Variants in SCYL1 observed in about 807,000 individuals in gnomAD.
SCYL1 encodes the protein SCY1 like pseudokinase 1, also known as N-terminal kinase-like protein.
SCYL1 carries 85 observed loss-of-function variants against 94.8 expected under a neutral mutation model. The observed-to-expected ratio is 0.90, with a 90% CI of 0.75 to 1.07. The LOEUF is 1.07. SCYL1 is among the 50% of genes least tolerant of loss of function. The pLI is 0.00. For missense variants in SCYL1, 968 were observed against 1,083.3 expected (o/e 0.89, Z 1.49); for synonymous variants, 459 against 435.5 (o/e 1.05, Z -0.67).
intron 1 of SCYL1, 66 bp downstream of exon 1, chr11:65,525,330 C>G: frequency 8.1e-7 from 1 of 1,241,742 alleles, no homozygotes; most frequent in Non-Finnish European, 1.1e-6. Context: ...GCCGCCGACC[C>G]CGTCGCGTTG....
At position 65,525,173 on chromosome 11, in the gene SCYL1, A is replaced by G; in HGVS notation, c.20A>G (p.Asp7Gly). ...GGGACGATGTGGTTCTTTGCCCGGG[A>G]CCCGGTCCGGGACTTTCCGTTCGAG... MWFFAR[D>G]PVRDFPFELI... The change falls in exon 1 of 18, where the codon GAC becomes GGC. Residue 7 changes from aspartate to glycine, a missense_variant. This residue lies in a region of SCYL1 where 494 missense variants were observed against 619.7 expected (regional missense o/e 0.80). Transcript: ENST00000270176. The G allele has an allele frequency of 7.2e-7, 1 of 1,392,992 alleles. No homozygotes were observed. The highest frequency in any genetic ancestry group is 9.4e-7 in the Non-Finnish European group (1 of 1,064,454). The allele number at this position is 1,392,992 out of a possible 1,614,324, so 86.3% of individuals were successfully genotyped here. A position where few individuals can be genotyped will look rare whatever the true frequency, so the allele number is the denominator to read the frequency against.
Position 65,525,146 on chromosome 11 carries a change from TG to T in SCYL1, c.-4del. 7.6e-7 allele frequency: 1 copy of T among 1,316,412 alleles called. No homozygotes were observed. The highest frequency in any genetic ancestry group is 2.4e-4 in the Middle Eastern group (1 of 4,176). The allele number at this position is 1,316,412 out of a possible 1,614,324, so 81.5% of individuals were successfully genotyped here. ...AAGGCGCCCGAACCCGCGGCGGCGG[TG>T]GGGACGATGTGGTTCTTTGCCCGGG... On this transcript the variant is annotated 5_prime_UTR_variant, in exon 1 of 18. Coordinates refer to ENST00000270176, the MANE Select transcript of SCYL1 (RefSeq NM_020680.4).
intron 6 of SCYL1, among the ~76,000 whole-genome samples, chr11:65,527,655 C>A (rs1003917539): frequency 4.0e-5 from 6 of 150,880 alleles, no homozygotes; most frequent in Admixed American, 1.3e-4. Context: ...TCACTTGAAC[C>A]CAGGAGACGG....
Position 65,538,590 on chromosome 11 carries a change from C to A in SCYL1, c.*24C>A. On this transcript the variant is annotated 3_prime_UTR_variant, in exon 18 of 18. Coordinates refer to ENST00000270176, the MANE Select transcript of SCYL1 (RefSeq NM_020680.4). ...GAACCGTGGCGGTGGCCCTTCCCGG[C>A]TGCGGAGAGCCCGCCCCACAGATGT... is the stretch of plus-strand genomic sequence containing the variant. 1 of 1,602,990 alleles carries A rather than the reference C, an allele frequency of 6.2e-7. No individual in the cohort carries two copies.
chr11:65,533,638 C>G (rs937775300), intron 9 of SCYL1, among the ~76,000 whole-genome samples: 1 of 144,182 alleles, frequency 6.9e-6, no homozygotes, highest in African/African-American at 2.6e-5. Flanking sequence ...AAGTTAGGCG[C>G]GTATGGTGAT....
chr11:65,536,645 G>A lies in SCYL1; in HGVS notation c.1711G>A (p.Gly571Ser). ...GGGAGGAGCCGCAGCTAGCTGGGCA[G>A]GCTGGGCCGTGACCGGGGTCTCCTC... ...GMGGAAASWA[G>S]WAVTGVSSLT... The change falls in exon 13 of 18, where the codon GGC becomes AGC. Residue 571 changes from glycine (G) to serine (S), a missense_variant. Coordinates refer to ENST00000270176, the MANE Select transcript of SCYL1 (RefSeq NM_020680.4). 1 of 1,614,122 alleles carries A rather than the reference G, an allele frequency of 6.2e-7. No individual in the cohort carries two copies. Among genetic ancestry groups the A allele is most frequent in the South Asian group, 1.1e-5 (1 of 91,086 alleles).
Position 65,531,635 on chromosome 11 carries a change from G to C in SCYL1, c.1068G>C (p.Lys356Asn). 1 of 1,614,112 alleles carries C rather than the reference G, an allele frequency of 6.2e-7. No individual in the cohort carries two copies. Among genetic ancestry groups the C allele is most frequent in the Non-Finnish European group, 8.5e-7 (1 of 1,180,000 alleles). ...AGAAGATCATCCCTGTGGTGGTCAAGATGTTCTCATCCACTGACCGGGCCA... is the reference window on the plus strand; with the variant it reads ...AGAAGATCATCCCTGTGGTGGTCAACATGTTCTCATCCACTGACCGGGCCA... ...YQQKIIPVVV[K>N]MFSSTDRAMR... The change falls in exon 8 of 18, where the codon AAG becomes AAC. Residue 356 changes from lysine (K) to asparagine (N), a missense_variant. By Grantham distance (94) the Lys-to-Asn change is moderately conservative (BLOSUM62 0). Around this residue, in one of 2 missense-constraint regions of SCYL1, gnomAD observed 494 missense variants for 619.7 expected, o/e 0.80. Coordinates refer to ENST00000270176, the MANE Select transcript of SCYL1 (RefSeq NM_020680.4).
intron 1 of SCYL1, 42 bp downstream of exon 1, chr11:65,525,306 C>A: frequency 1.5e-6 from 2 of 1,335,608 alleles, no homozygotes; most frequent in Non-Finnish European, 9.9e-7. Flanking sequence ...CGACCTGGGC[C>A]TTGCCTATTC....
At position 65,537,876 on chromosome 11, in the gene SCYL1, G is replaced by A; in HGVS notation, c.2027G>A (p.Ser676Asn). 1.9e-6 allele frequency: 3 copies of A among 1,578,364 alleles called. No individual in the cohort carries two copies. The highest frequency in any genetic ancestry group is 2.6e-6 in the Non-Finnish European group (3 of 1,161,892). ...WSTGGQVSRA[S>N]QVSNSDHKSS... The stretch of plus-strand genomic sequence containing the variant: ...ACCGGGGGCCAAGTGAGCCGTGCTA[G>A]TCAGGTGAGCTGGGTCTGGTGGGGA... Residue 676 changes from serine (S) to asparagine (N), a missense_variant, in exon 15 of 18, where the codon AGT becomes AAT. By Grantham distance (46) the Ser-to-Asn change is conservative. Coordinates refer to ENST00000270176, the MANE Select transcript of SCYL1 (RefSeq NM_020680.4).
chr11:65,538,515 G>T lies in SCYL1; in HGVS notation c.2376G>T (p.Glu792Asp). ...GGGAGATGGAGGCCAAACGCGCCGA[G>T]AGGAAGGTGGCCAAGGGCCCCATGA... ...RRREMEAKRAERKVAKGPMKL... is the reference protein window; with the variant it reads ...RRREMEAKRADRKVAKGPMKL... Residue 792 changes from glutamate (E) to aspartate (D), a missense_variant, in exon 18 of 18, where the codon GAG becomes GAT. Glu to Asp is a conservative substitution (Grantham distance 45). Transcript: ENST00000270176. 1 of 1,609,726 alleles carries T rather than the reference G, an allele frequency of 6.2e-7. No homozygotes were observed. Among genetic ancestry groups the T allele is most frequent in the South Asian group, 1.1e-5 (1 of 90,618 alleles).
At chr11:65,537,774 G>C (rs1392843550) in intron 14 of SCYL1, 35 bp from the exon 15 acceptor site, 1 of 1,505,838 alleles carries the variant, frequency 6.6e-7, no homozygotes, top group South Asian at 1.3e-5. Flanking sequence ...CCTTTAGCAT[G>C]GGGTGGGAGT....
rs756844612 is a variant in SCYL1, at chr11:65,537,980, A to G, written c.2045A>G (p.Asp682Gly). 1 of 1,611,498 alleles carries G rather than the reference A, an allele frequency of 6.2e-7. No individual in the cohort carries two copies. Among genetic ancestry groups the G allele is most frequent in the Non-Finnish European group, 8.5e-7 (1 of 1,178,538 alleles). Reference protein sequence around the residue: ...VSRASQVSNSDHKSSKSPESD... With the variant: ...VSRASQVSNSGHKSSKSPESD... ...GCTCTTCTACAGGTCAGCAACTCCG[A>G]CCACAAATCCTCCAAATCCCCAGAG... The change falls in exon 16 of 18, where the codon GAC becomes GGC. Residue 682 changes from aspartate (D) to glycine (G), a missense_variant. Physicochemically the swap from Asp to Gly is moderately conservative, Grantham distance 94 (BLOSUM62 -1). This residue lies in a region of SCYL1 where 474 missense variants were observed against 463.6 expected (regional missense o/e 1.02). Coordinates refer to ENST00000270176, the MANE Select transcript of SCYL1 (RefSeq NM_020680.4).
At position 65,538,428 on chromosome 11, in the gene SCYL1, C is replaced by T; in HGVS notation, c.2303-14C>T. ...CTGGAGAGCTGAGACCGGGGCTCCCCTTCCTGACGCCAGGACAGGTCAAGG... is the reference window on the plus strand; with the variant it reads ...CTGGAGAGCTGAGACCGGGGCTCCCTTTCCTGACGCCAGGACAGGTCAAGG... On this transcript the variant is annotated splice_polypyrimidine_tract_variant and intron_variant, in intron 17 of 17. Transcript: ENST00000270176. 6.5e-7 allele frequency: 1 copy of T among 1,546,158 alleles called. No homozygotes were observed. Among genetic ancestry groups the T allele is most frequent in the Non-Finnish European group, 8.7e-7 (1 of 1,144,800 alleles).
In SCYL1 at chr11:65,532,743, T is replaced by C; in HGVS notation, c.1168T>C (p.Phe390Leu). The stretch of plus-strand genomic sequence containing the variant: ...CGAGCCAACAGTCAACACCCAGATC[T>C]TCCCCCACGTCGTACATGGCTTCCT... ...LDEPTVNTQI[F>L]PHVVHGFLDT... Residue 390 changes from phenylalanine to leucine, a missense_variant, in exon 9 of 18, where the codon TTC becomes CTC. Physicochemically the swap from Phe to Leu is conservative, Grantham distance 22 (BLOSUM62 0). Transcript: ENST00000270176. 6.2e-7 allele frequency: 1 copy of C among 1,614,068 alleles called. No individual in the cohort carries two copies. The highest frequency in any genetic ancestry group is 8.5e-7 in the Non-Finnish European group (1 of 1,179,930).
intron 6 of SCYL1, among the ~76,000 whole-genome samples, chr11:65,529,203 G>A (rs1006291150): frequency 3.3e-5 from 5 of 152,172 alleles, no homozygotes; most frequent in Admixed American, 1.3e-4. Flanking sequence ...GCTGTGGGGC[G>A]GGGAGGGCCT....
chr11:65,526,351 G>T lies in SCYL1; in HGVS notation c.602+1G>T. ...GTGGCAGAGTGGTCAGAGAGAAGTG[G>T]TGGGTGACTGGGGGCAGCGCGCCCC... On this transcript the variant is annotated splice_donor_variant, in intron 4 of 17. Coordinates refer to ENST00000270176, the MANE Select transcript of SCYL1 (RefSeq NM_020680.4). LOFTEE classifies it high-confidence loss of function. This position sits in a 1 kb window ranked among gnomAD's most constrained non-coding sequence, Gnocchi z 4.1. The T allele has an allele frequency of 6.3e-7, 1 of 1,592,418 alleles. No homozygotes were observed. The highest frequency in any genetic ancestry group is 8.6e-7 in the Non-Finnish European group (1 of 1,166,108).
Position 65,535,213 on chromosome 11 carries a change from T to C in SCYL1, c.1231-14T>C, listed in dbSNP as rs1855573488. 6.2e-7 allele frequency: 1 copy of C among 1,612,510 alleles called. No homozygotes were observed. Among genetic ancestry groups the C allele is most frequent in the Admixed American group, 1.7e-5 (1 of 59,972 alleles). On this transcript the variant is annotated splice_polypyrimidine_tract_variant and intron_variant, in intron 9 of 17. Coordinates refer to ENST00000270176, the MANE Select transcript of SCYL1 (RefSeq NM_020680.4). ...CGCCACAGCCCACAGTTCCCACTCA[T>C]TTCTGCCCCACAGTCCATGCTGCTC...
At chr11:65,532,329 G>T (rs1855418754) in intron 8 of SCYL1, among the ~76,000 whole-genome samples, 1 of 151,946 alleles carries the variant, frequency 6.6e-6, no homozygotes, top group Non-Finnish European at 1.5e-5. Flanking sequence ...GGAGGCTGAG[G>T]CAGGAGAATT....
intron 6 of SCYL1, among the ~76,000 whole-genome samples, chr11:65,529,905 A>G (rs539618605): frequency 2.7e-4 from 41 of 152,236 alleles, no homozygotes; most frequent in Admixed American, 3.9e-4. Flanking sequence ...TTGTTGGTAA[A>G]ATGTGGATTA....
Sources: gnomAD v4.1 joint callset for allele counts (sites outside exome capture counted in the v4.1 genomes callset) on GRCh38, gnomAD v4.1.1 for gene constraint, gnomAD v4.1.1 regional missense constraint, Gnocchi (gnomAD v3.1) non-coding constraint, MANE v1.5 for transcripts, NCBI Gene and HGNC (gene_info 2026-07-23, HGNC 2026-07-21) for gene names.